FARS2: variants seen among roughly 807,000 people sequenced by gnomAD.
FARS2 encodes phenylalanyl-tRNA synthetase 2, mitochondrial, also known as phenylalanine--tRNA ligase, mitochondrial.
A neutral mutation model predicts 46.4 loss-of-function variants in FARS2; 40 were observed. The observed-to-expected ratio is 0.86, with a 90% confidence interval of 0.67 to 1.12. The LOEUF (loss-of-function observed/expected upper bound fraction) is 1.12, where lower values mean the gene tolerates loss of function less well. FARS2 is among the 50% of genes most tolerant of loss of function. FARS2 has a pLI of 0.00. For missense variants in FARS2, 513 were observed against 567.9 expected, an observed-to-expected ratio of 0.90 and a Z score of 0.98; for synonymous variants, 234 against 214.9, an observed-to-expected ratio of 1.09 and a Z score of -0.78.
intron 1 of FARS2, among the ~76,000 whole-genome samples, chr6:5,328,008 A>G (rs1275101433): frequency 4.6e-5 from 7 of 152,174 alleles, no homozygotes; most frequent in African/African-American, 9.7e-5. Flanking sequence ...TTACCCCTTC[A>G]TAGGTTTTTT....
At position 5,484,990 on chromosome 6, in the gene FARS2, C is replaced by G. The variant is rs189464184; in HGVS notation, c.904+53818C>G. ...GTGTTCTGGAGACCTGAAGAGGCCCCGGAGGAGCCCTCCCTGGGCACTCAG... is the reference window on the plus strand; with the variant it reads ...GTGTTCTGGAGACCTGAAGAGGCCCGGGAGGAGCCCTCCCTGGGCACTCAG... On this transcript the variant is annotated intron_variant, in intron 4 of 6. Transcript: ENST00000274680. Among the ~76,000 whole-genome samples, 12 of 152,258 alleles carry G rather than the reference C, an allele frequency of 7.9e-5. No individual in the cohort carries two copies. The East Asian group carries it at 1.9e-3, about 25-fold the overall frequency.
intron 6 of FARS2, among the ~76,000 whole-genome samples, chr6:5,714,525 C>T (rs554975272): frequency 6.6e-6 from 1 of 152,146 alleles, no homozygotes; most frequent in South Asian, 2.1e-4. Flanking sequence ...CCTAAAATCA[C>T]AGAGAAAACA....
intron 6 of FARS2, among the ~76,000 whole-genome samples, chr6:5,657,570 G>A (rs1053936110): frequency 2.0e-5 from 3 of 152,146 alleles, no homozygotes; most frequent in Admixed American, 6.5e-5. Context: ...GAAGTCTGTT[G>A]TTCTGGCATC....
At chr6:5,682,356 A>G (rs547463846) in intron 6 of FARS2, among the ~76,000 whole-genome samples, 14 of 152,252 alleles carry the variant, frequency 9.2e-5, no homozygotes, top group Non-Finnish European at 2.1e-4. Flanking sequence ...GGCAATAAAT[A>G]TTGAAATTTC....
chr6:5,430,673 T>A (rs1173917289), intron 3 of FARS2, among the ~76,000 whole-genome samples: 1 of 152,130 alleles, frequency 6.6e-6, no homozygotes, highest in Non-Finnish European at 1.5e-5. Context: ...AGTAAAAATA[T>A]ACTCTCTTTA....
At chr6:5,298,228 C>T (rs1768033910) in intron 1 of FARS2, among the ~76,000 whole-genome samples, 1 of 152,200 alleles carries the variant, frequency 6.6e-6, no homozygotes, top group Non-Finnish European at 1.5e-5. Context: ...CTTCATGTCA[C>T]TCTCTGTCTC....
chr6:5,300,839 T>C (rs1768247494), intron 1 of FARS2, among the ~76,000 whole-genome samples: 1 of 151,884 alleles, frequency 6.6e-6, no homozygotes, highest in African/African-American at 2.4e-5. Flanking sequence ...ACCTGGCTAA[T>C]TTTTTTTATT....
intron 3 of FARS2, among the ~76,000 whole-genome samples, chr6:5,413,365 T>C (rs1762045790): frequency 6.6e-6 from 1 of 151,988 alleles, no homozygotes; most frequent in South Asian, 2.1e-4. Flanking sequence ...GCACTGAAAA[T>C]TTTAGGGCTG....
intron 3 of FARS2, among the ~76,000 whole-genome samples, chr6:5,423,785 T>C (rs960953501): frequency 6.6e-6 from 1 of 152,118 alleles, no homozygotes; most frequent in Non-Finnish European, 1.5e-5. Context: ...TGTGGACGCA[T>C]AGGATATATA....
intron 6 of FARS2, among the ~76,000 whole-genome samples, chr6:5,755,145 A>G (rs1762139103): frequency 6.6e-6 from 1 of 152,160 alleles, no homozygotes; most frequent in Admixed American, 6.5e-5. Flanking sequence ...CTAATCTGTC[A>G]TTTAACTCTG....
chr6:5,585,006 CCTT>C (rs1415865168), intron 5 of FARS2, among the ~76,000 whole-genome samples: 4 of 152,094 alleles, frequency 2.6e-5, no homozygotes, highest in Non-Finnish European at 5.9e-5. Flanking sequence ...ATTGTAATAT[CCTT>C]CTTCCCATAT....
At chr6:5,612,059 C>G (rs1263481432) in intron 5 of FARS2, among the ~76,000 whole-genome samples, 1 of 152,196 alleles carries the variant, frequency 6.6e-6, no homozygotes, top group Non-Finnish European at 1.5e-5. Context: ...GAAAACAAAA[C>G]GCTTCTCAGG....
intron 4 of FARS2, among the ~76,000 whole-genome samples, chr6:5,544,404 T>C (rs1770832027): frequency 1.2e-5 from 1 of 84,798 alleles, no homozygotes; most frequent in Admixed American, 1.2e-4. Context: ...CATCTGTTAG[T>C]GTCCAGTTGG....
chr6:5,649,470 G>A lies in FARS2; in HGVS notation c.1217+36150G>A, dbSNP rs192160306. On this transcript the variant is annotated intron_variant, in intron 6 of 6. Coordinates refer to ENST00000274680, the MANE Select transcript of FARS2 (RefSeq NM_006567.5). The stretch of plus-strand genomic sequence containing the variant: ...GAGGCAAGCTTCTGGTGACCCTTGA[G>A]GTTTACATGCAGGGCCAGGAGCTGA... Among the ~76,000 whole-genome samples the A allele has an allele frequency of 4.6e-5, 7 of 152,262 alleles. No homozygotes were observed. The East Asian group carries it at 1.4e-3, about 29-fold the overall frequency.
upstream of FARS2, among the ~76,000 whole-genome samples, chr6:5,258,185 G>C (rs1478387249): frequency 6.6e-6 from 1 of 152,224 alleles, no homozygotes; most frequent in Non-Finnish European, 1.5e-5. Context: ...GAGACTGGAG[G>C]AGCAGACAGG....
chr6:5,766,351 G>C (rs1251555718), intron 6 of FARS2, among the ~76,000 whole-genome samples: 2 of 152,160 alleles, frequency 1.3e-5, no homozygotes, highest in Non-Finnish European at 2.9e-5. Context: ...CCAGCCAGCT[G>C]TCTGGCTTCC....
intron 6 of FARS2, among the ~76,000 whole-genome samples, chr6:5,652,382 T>C (rs1024995989): frequency 6.6e-6 from 1 of 152,222 alleles, no homozygotes; most frequent in African/African-American, 2.4e-5. Context: ...CAAGTAGAAC[T>C]TTGATAAAAA....
intron 3 of FARS2, among the ~76,000 whole-genome samples, chr6:5,427,981 C>G (rs1418078526): frequency 6.6e-6 from 1 of 152,166 alleles, no homozygotes; most frequent in African/African-American, 2.4e-5. Context: ...GAAGGGAGAG[C>G]CATCACATCA....
intron 5 of FARS2, among the ~76,000 whole-genome samples, chr6:5,583,638 A>AT (rs1245449713): frequency 1.3e-5 from 2 of 152,114 alleles, no homozygotes; most frequent in African/African-American, 2.4e-5. Context: ...CATTTTATGT[A>AT]TTTTTTAAAA....
Sources: allele counts gnomAD v4.1 joint callset (sites outside exome capture counted in the v4.1 genomes callset), GRCh38; gene constraint gnomAD v4.1.1; transcripts MANE v1.5; gene names NCBI Gene and HGNC (gene_info 2026-07-23, HGNC 2026-07-21).